Variants in N4BP2L2 observed in about 807,000 individuals in gnomAD.
N4BP2L2 encodes the protein NEDD4-binding protein 2-like 2.
In N4BP2L2, 50 loss-of-function variants were observed where a neutral mutation model predicts 56.2. The ratio of observed to expected loss-of-function variants is 0.89; its 90% CI spans 0.71 to 1.13. The LOEUF (loss-of-function observed/expected upper bound fraction) is 1.13. Ranked by LOEUF, N4BP2L2 falls within the 50% of genes most tolerant of loss-of-function variation. The pLI is 0.00. For synonymous variants in N4BP2L2, 203 were observed against 223.6 expected (o/e 0.91, Z 0.82); for missense variants, 689 against 693.8 (o/e 0.99, Z 0.08).
At chr13:32,459,037 C>G (rs1171888652) in intron 6 of N4BP2L2, among the ~76,000 whole-genome samples, 1 of 152,120 alleles carries the variant, frequency 6.6e-6, no homozygotes, top group East Asian at 1.9e-4. Context: ...TGCTCCTCAA[C>G]AACCTTTGGG....
At chr13:32,500,546 CAAAAAAA>C (rs1169575568) in intron 6 of N4BP2L2, among the ~76,000 whole-genome samples, 26 of 52,236 alleles carry the variant, frequency 5.0e-4, no homozygotes, top group Admixed American at 1.8e-3. Flanking sequence ...CCTGTCTCTA[CAAAAAAA>C]AAAAAAAAAA....
At chr13:32,499,996 C>A (rs2089645084) in intron 6 of N4BP2L2, among the ~76,000 whole-genome samples, 1 of 152,182 alleles carries the variant, frequency 6.6e-6, no homozygotes, top group South Asian at 2.1e-4. Context: ...GTTTACCATG[C>A]CCTTGTCTAA....
At chr13:32,536,338 T>C (rs1040884548) in exon 2 of N4BP2L2, 2 of 1,613,990 alleles carry the variant, frequency 1.2e-6, no homozygotes, top group African/African-American at 2.7e-5. Flanking sequence ...CACAATGTGA[T>C]GGCATAGCTT....
chr13:32,472,654 T>C (rs2082534054), intron 6 of N4BP2L2, among the ~76,000 whole-genome samples: 1 of 152,108 alleles, frequency 6.6e-6, no homozygotes, highest in Admixed American at 6.6e-5. Context: ...ATTCTGAAGA[T>C]GAAGAAATCA....
At chr13:32,439,613 C>G (rs1026087385) in intron 7 of N4BP2L2, among the ~76,000 whole-genome samples, 1 of 152,150 alleles carries the variant, frequency 6.6e-6, no homozygotes, top group Non-Finnish European at 1.5e-5. Context: ...ACTACGATCT[C>G]AGAACTAAAA....
At chr13:32,460,156 C>G (rs2079770685) in intron 6 of N4BP2L2, among the ~76,000 whole-genome samples, 1 of 152,082 alleles carries the variant, frequency 6.6e-6, no homozygotes, top group Non-Finnish European at 1.5e-5. Context: ...GAACATACTT[C>G]AACATAAAAA....
chr13:32,513,405 C>A (rs1484389078), exon 6 of N4BP2L2: 1 of 152,138 alleles, frequency 6.6e-6, no homozygotes, highest in Non-Finnish European at 1.5e-5. Flanking sequence ...CTACTTCTTA[C>A]CAGCCTAAGG....
exon 4 of N4BP2L2, chr13:32,522,222 G>A (rs1422829429): frequency 6.4e-7 from 1 of 1,573,290 alleles, no homozygotes; most frequent in East Asian, 2.3e-5. Flanking sequence ...TTGTATATTA[G>A]TGTTATCTAT....
chr13:32,437,681 A>T (rs1281402723), intron 8 of N4BP2L2, among the ~76,000 whole-genome samples: 1 of 152,206 alleles, frequency 6.6e-6, no homozygotes, highest in Non-Finnish European at 1.5e-5. Context: ...AAGTCAAGTA[A>T]CTACACATCT....
chr13:32,526,292 C>T (rs1413353304), intron 3 of N4BP2L2, among the ~76,000 whole-genome samples: 2 of 152,070 alleles, frequency 1.3e-5, no homozygotes, highest in Non-Finnish European at 2.9e-5. Context: ...CGTTTGGATC[C>T]CAATTCAAAC....
intron 1 of N4BP2L2, among the ~76,000 whole-genome samples, chr13:32,537,593 C>T (rs979838161): frequency 6.6e-6 from 1 of 152,068 alleles, no homozygotes; most frequent in African/African-American, 2.4e-5. Context: ...CTTTGGAGAC[C>T]CTTAACTGTG....
At chr13:32,446,707 C>T (rs1377953541) in intron 6 of N4BP2L2, 1 of 184,038 alleles carries the variant, frequency 5.4e-6, no homozygotes, top group Non-Finnish European at 1.0e-5. Context: ...CACTTCATCA[C>T]CAAAATGTTT....
intron 6 of N4BP2L2, among the ~76,000 whole-genome samples, chr13:32,445,094 C>CA (rs1304642980): frequency 6.6e-6 from 1 of 151,970 alleles, no homozygotes; most frequent in Non-Finnish European, 1.5e-5. Context: ...ACTAAAAATA[C>CA]AAAAAAATTA....
intron 6 of N4BP2L2, among the ~76,000 whole-genome samples, chr13:32,486,343 C>T (rs1206829365): frequency 2.6e-5 from 4 of 152,090 alleles, no homozygotes; most frequent in African/African-American, 7.2e-5. Flanking sequence ...GGATCTCATA[C>T]ATAGAAAATT....
intron 6 of N4BP2L2, among the ~76,000 whole-genome samples, chr13:32,474,691 C>T (rs2082957139): frequency 6.6e-6 from 1 of 152,096 alleles, no homozygotes. Context: ...TGAGACTCCA[C>T]CCCAGCCACC....
At chr13:32,497,687 T>C (rs1393030432) in intron 6 of N4BP2L2, among the ~76,000 whole-genome samples, 1 of 152,210 alleles carries the variant, frequency 6.6e-6, no homozygotes, top group Non-Finnish European at 1.5e-5. Flanking sequence ...ACAGCAGATA[T>C]GCCTCTCAGT....
chr13:32,534,912 G>C (rs773524628), intron 2 of N4BP2L2, among the ~76,000 whole-genome samples: 2 of 152,050 alleles, frequency 1.3e-5, no homozygotes, highest in African/African-American at 4.8e-5. Flanking sequence ...ACATATTCAA[G>C]TGCATCAATA....
At chr13:32,490,373 C>T (rs2086800727) in intron 6 of N4BP2L2, among the ~76,000 whole-genome samples, 1 of 152,066 alleles carries the variant, frequency 6.6e-6, no homozygotes, top group Admixed American at 6.5e-5. Context: ...GGCGCGATCT[C>T]GGCTCACTGC....
At chr13:32,443,092 G>T in exon 7 of N4BP2L2, 2 of 1,604,762 alleles carry the variant, frequency 1.2e-6, no homozygotes, top group East Asian at 2.2e-5. Flanking sequence ...CTTATTTTTT[G>T]TTGATTCTAA....
Sources: gnomAD v4.1 joint callset for allele counts (sites outside exome capture counted in the v4.1 genomes callset) on GRCh38, gnomAD v4.1.1 for gene constraint, MANE v1.5 for transcripts, NCBI Gene and HGNC (gene_info 2026-07-23, HGNC 2026-07-21) for gene names.